The following PCDHGA11 variants were observed in gnomAD, a reference collection of about 807,000 sequenced individuals.
PCDHGA11 encodes protocadherin gamma subfamily A, 11.
PCDHGA11 carries 39 observed loss-of-function variants against 60.4 expected under a neutral mutation model. The ratio of observed to expected loss-of-function variants is 0.65; its 90% confidence interval spans 0.50 to 0.84. PCDHGA11 has a LOEUF of 0.84. PCDHGA11 is among the 40% of genes least tolerant of loss of function. PCDHGA11 has a pLI of 0.00. For missense variants in PCDHGA11, 1,165 were observed against 1,197.7 expected (o/e 0.97, Z 0.40); for synonymous variants, 533 against 510.3 (o/e 1.04, Z -0.60).
In PCDHGA11 at chr5:141,422,644, T is replaced by C. The variant is rs770618826; in HGVS notation, c.1417T>C (p.Phe473Leu). 9 of 1,612,266 alleles carry C rather than the reference T, an allele frequency of 5.6e-6. No homozygotes were observed. The Admixed American group carries it at 1.5e-4, about 27-fold the overall frequency. ...AAACAACCCCAGGGGTGCCTCCATC[T>C]TCTCAGTGACCGCCCTCGACCCGGA... ...PENNPRGASI[F>L]SVTALDPDSK... Residue 473 changes from phenylalanine to leucine, a missense_variant, in exon 1 of 4, where the codon TTC becomes CTC. Coordinates refer to ENST00000398587, the MANE Select transcript of PCDHGA11 (RefSeq NM_018914.3).
rs773499765 is a variant in PCDHGA11 at position 141,489,626 on chromosome 5, A to T, written c.2434-5181A>T. 6.2e-6 allele frequency: 10 copies of T among 1,613,568 alleles called. No individual in the cohort carries two copies. In the South Asian group the frequency reaches 9.9e-5, roughly 16 times the overall value. On this transcript the variant is annotated intron_variant, in intron 1 of 3. Coordinates refer to ENST00000398587, the MANE Select transcript of PCDHGA11 (RefSeq NM_018914.3). The surrounding 1 kb of genome is among the most constrained non-coding windows in gnomAD (Gnocchi z 4.5). The stretch of plus-strand genomic sequence containing the variant: ...GTAGAGATCCTGGATCTCAATGACA[A>T]CTCTCCTAGCTTTGCCACCCCTGAG...
Position 141,487,424 on chromosome 5 carries a change from C to T in PCDHGA11, c.2434-7383C>T, listed in dbSNP as rs759893122. 5 of 1,613,982 alleles carry T rather than the reference C, an allele frequency of 3.1e-6. No individual in the cohort carries two copies. The highest frequency in any genetic ancestry group is 1.7e-5 in the Admixed American group (1 of 60,000). On this transcript the variant is annotated intron_variant, in intron 1 of 3. Transcript: ENST00000398587. The surrounding 1 kb of genome is among the most constrained non-coding windows in gnomAD (Gnocchi z 5.0). ...GCTTCCCCCTTCCAATGGGATCCTC[C>T]GAATCCAGCTAGGGTCAGATGACCC...
At chr5:141,443,853 A>G (rs929370798) in intron 1 of PCDHGA11, among the ~76,000 whole-genome samples, 3 of 152,230 alleles carry the variant, frequency 2.0e-5, no homozygotes, top group African/African-American at 7.2e-5. Flanking sequence ...GGAAAGTCTG[A>G]AAACTGAAAA....
intron 2 of PCDHGA11, among the ~76,000 whole-genome samples, chr5:141,499,099 C>T (rs1031964059): frequency 1.3e-5 from 2 of 152,156 alleles, no homozygotes; most frequent in Non-Finnish European, 2.9e-5. Context: ...ACATGCTTCT[C>T]CTCCCCACCA....
chr5:141,445,814 TA>T (rs1554133713), intron 1 of PCDHGA11, among the ~76,000 whole-genome samples: 1 of 152,182 alleles, frequency 6.6e-6, no homozygotes, highest in Non-Finnish European at 1.5e-5. Context: ...TAGATGAAAC[TA>T]ATAAGGCAGG....
intron 1 of PCDHGA11, among the ~76,000 whole-genome samples, chr5:141,453,823 G>A (rs2154564414): frequency 6.6e-6 from 1 of 152,250 alleles, no homozygotes; most frequent in South Asian, 2.1e-4. Flanking sequence ...GACAAACTTG[G>A]CTGCTAGCCC....
chr5:141,450,006 C>CTATTTTT lies in PCDHGA11; in HGVS notation c.2433+26347_2433+26348insATTTTTT, dbSNP rs70988802. On this transcript the variant is annotated intron_variant, in intron 1 of 3. Coordinates refer to ENST00000398587, the MANE Select transcript of PCDHGA11 (RefSeq NM_018914.3). ...CACATTGCATTTAGTTGCCATGTCTCTTTTTTTTTTTTTTTTTTGAGACAG... is the reference window on the plus strand; with the variant it reads ...CACATTGCATTTAGTTGCCATGTCTCTATTTTTTTTTTTTTTTTTTTTTTTGAGACAG... Among the ~76,000 whole-genome samples, 248 of 132,920 alleles carry CTATTTTT rather than the reference C, an allele frequency of 1.9e-3. 8 individuals carry two copies. Among genetic ancestry groups the CTATTTTT allele is most frequent in the African/African-American group, 4.3e-3 (154 of 35,586 alleles). 87.2% of individuals were successfully genotyped at this position (132,920 alleles called of 152,430 possible). A position where few individuals can be genotyped will look rare whatever the true frequency, so the allele number is the denominator to read the frequency against.
intron 1 of PCDHGA11, among the ~76,000 whole-genome samples, chr5:141,462,448 G>A (rs1435453503): frequency 6.6e-6 from 1 of 152,022 alleles, no homozygotes; most frequent in Non-Finnish European, 1.5e-5. Context: ...ACACAACTGT[G>A]TAACTGAAAA....
chr5:141,442,052 G>T (rs2098295034), intron 1 of PCDHGA11: 1 of 197,576 alleles, frequency 5.1e-6, no homozygotes, highest in South Asian at 6.6e-5. Flanking sequence ...TACTGGTCGC[G>T]GTGCACTGCG....
intron 1 of PCDHGA11, among the ~76,000 whole-genome samples, chr5:141,444,029 A>T (rs977610555): frequency 2.6e-5 from 4 of 152,164 alleles, no homozygotes; most frequent in African/African-American, 9.7e-5. Flanking sequence ...AAAGGAATTC[A>T]GTAAATCAGA....
chr5:141,433,091 A>G (rs1344906248), intron 1 of PCDHGA11: 2 of 1,614,182 alleles, frequency 1.2e-6, no homozygotes, highest in African/African-American at 1.3e-5. Flanking sequence ...CTATGCAGAC[A>G]TGCTCGTCAG....
At chr5:141,448,822 G>A (rs924937891) in intron 1 of PCDHGA11, among the ~76,000 whole-genome samples, 4 of 152,048 alleles carry the variant, frequency 2.6e-5, no homozygotes, top group African/African-American at 9.7e-5. Context: ...GCGGGCGCCT[G>A]TAGTCCCAGC....
Position 141,427,790 on chromosome 5 carries a change from C to T in PCDHGA11, c.2433+4130C>T, listed in dbSNP as rs1212280689. ...TGGAGCTGCGGGCACTGTCGTCCTACGTGTCCGTGAGCGCACAGAGCGGGG... is the reference window on the plus strand; with the variant it reads ...TGGAGCTGCGGGCACTGTCGTCCTATGTGTCCGTGAGCGCACAGAGCGGGG... On this transcript the variant is annotated intron_variant, in intron 1 of 3. Transcript: ENST00000398587. 2.0e-6 allele frequency: 3 copies of T among 1,482,108 alleles called. No homozygotes were observed. The Admixed American group carries it at 5.0e-5, about 25-fold the overall frequency. 91.8% of individuals were successfully genotyped at this position (1,482,108 alleles called of 1,614,324 possible).
rs1477077191 is a variant in PCDHGA11, at chr5:141,427,802, C to T, written c.2433+4142C>T. 7.3e-6 allele frequency: 11 copies of T among 1,510,148 alleles called. No individual in the cohort carries two copies. In the South Asian group the frequency reaches 9.0e-5, roughly 12 times the overall value. The allele number at this position is 1,510,148 out of a possible 1,614,324, so 93.5% of individuals were successfully genotyped here. A position where few individuals can be genotyped will look rare whatever the true frequency, so the allele number is the denominator to read the frequency against. On this transcript the variant is annotated intron_variant, in intron 1 of 3. Transcript: ENST00000398587. ...CACTGTCGTCCTACGTGTCCGTGAG[C>T]GCACAGAGCGGGGTGGTGGTCGCGC... is the stretch of plus-strand genomic sequence containing the variant.
Position 141,432,028 on chromosome 5 carries a change from C to T in PCDHGA11, c.2433+8368C>T, listed in dbSNP as rs776543767. ...TTCCTAGCTACAACATCACAGTGAC[C>T]GCCACTGACCGGGGAACCCCGCCCC... On this transcript the variant is annotated intron_variant, in intron 1 of 3. Coordinates refer to ENST00000398587, the MANE Select transcript of PCDHGA11 (RefSeq NM_018914.3). The surrounding 1 kb of genome is among the most constrained non-coding windows in gnomAD (Gnocchi z 6.0). The T allele has an allele frequency of 1.1e-5, 18 of 1,614,050 alleles. No individual in the cohort carries two copies. The highest frequency in any genetic ancestry group is 9.9e-5 in the South Asian group (9 of 91,090).
At chr5:141,433,849 A>AC (rs1304649814) in intron 1 of PCDHGA11, among the ~76,000 whole-genome samples, 10 of 152,030 alleles carry the variant, frequency 6.6e-5, no homozygotes, top group Admixed American at 1.3e-4. Flanking sequence ...AAAAAAAAAA[A>AC]AAAAAACTTT....
At chr5:141,498,530 A>G (rs1275299749) in intron 2 of PCDHGA11, among the ~76,000 whole-genome samples, 1 of 149,364 alleles carries the variant, frequency 6.7e-6, no homozygotes, top group Non-Finnish European at 1.5e-5. Flanking sequence ...ACTGCCCTCC[A>G]GCCTGGTCTG....
intron 3 of PCDHGA11, among the ~76,000 whole-genome samples, chr5:141,507,518 A>T (rs1323767789): frequency 6.6e-6 from 1 of 152,132 alleles, no homozygotes; most frequent in African/African-American, 2.4e-5. Flanking sequence ...TGGGGCTATG[A>T]TTCCAGAGAG....
At chr5:141,444,205 CTT>C in intron 1 of PCDHGA11, among the ~76,000 whole-genome samples, 1 of 77,932 alleles carries the variant, frequency 1.3e-5, no homozygotes. Context: ...GAGTTTCACT[CTT>C]GTTGCCCAGG....
Sources: gnomAD v4.1 joint callset for allele counts (sites outside exome capture counted in the v4.1 genomes callset) on GRCh38, gnomAD v4.1.1 for gene constraint, Gnocchi (gnomAD v3.1) non-coding constraint, MANE v1.5 for transcripts, NCBI Gene and HGNC (gene_info 2026-07-23, HGNC 2026-07-21) for gene names.